Variants in HIVEP3 observed in about 807,000 individuals in gnomAD.
HIVEP3 encodes the protein HIVEP zinc finger 3.
HIVEP3 carries 49 observed loss-of-function variants against 152.8 expected under a neutral mutation model. The observed-to-expected ratio is 0.32, with a 90% CI of 0.26 to 0.41. The LOEUF is 0.41. Ranked by LOEUF, HIVEP3 falls within the 10% of genes least tolerant of loss-of-function variation. The pLI is 1.00. For missense variants in HIVEP3, 2,790 were observed against 3,103.3 expected (o/e 0.90, Z 2.40); for synonymous variants, 1,269 against 1,289.0 (o/e 0.98, Z 0.33).
At chr1:41,548,715 T>C (rs964937085) in intron 5 of HIVEP3, among the ~76,000 whole-genome samples, 2 of 152,082 alleles carry the variant, frequency 1.3e-5, no homozygotes, top group East Asian at 3.9e-4. Flanking sequence ...TTTGTATTTT[T>C]AGTAAAGACG....
intron 1 of HIVEP3, among the ~76,000 whole-genome samples, chr1:42,002,390 G>A (rs139496167): frequency 1.3e-5 from 2 of 152,288 alleles, no homozygotes; most frequent in African/African-American, 2.4e-5. Context: ...TCGCGAAAGA[G>A]TGCAAACAAC....
rs575941216 is a variant in HIVEP3, at chr1:41,947,900, A to C, written n.120-29376T>G. Among the ~76,000 whole-genome samples, 3 of 152,318 alleles carry C rather than the reference A, an allele frequency of 2.0e-5. No homozygotes were observed. In the South Asian group the frequency reaches 6.2e-4, roughly 32 times the overall value. On this transcript the variant is annotated intron_variant and non_coding_transcript_variant, in intron 1 of 3. Transcript: ENST00000489103. The stretch of plus-strand genomic sequence containing the variant: ...GGACATCTCATGATGTGAATGGCAT[A>C]CTCACTGCTAAAGAAGACTTGTGGC...
intron 1 of HIVEP3, among the ~76,000 whole-genome samples, chr1:41,937,224 T>C (rs902912643): frequency 7.2e-5 from 11 of 152,100 alleles, no homozygotes; most frequent in African/African-American, 2.7e-4. Context: ...ATAATAAATA[T>C]ATATTCTATA....
At chr1:41,713,535 T>C (rs1452975908) in intron 1 of HIVEP3, among the ~76,000 whole-genome samples, 3 of 152,260 alleles carry the variant, frequency 2.0e-5, no homozygotes, top group East Asian at 1.9e-4. Flanking sequence ...TAAATGAGGA[T>C]AATCACCAAA....
chr1:41,555,267 T>C (rs1298415957), intron 5 of HIVEP3, among the ~76,000 whole-genome samples: 1 of 152,238 alleles, frequency 6.6e-6, no homozygotes, highest in Non-Finnish European at 1.5e-5. Flanking sequence ...GCATTAGCAG[T>C]GAGCAAGGCT....
chr1:41,598,988 A>G (rs939524846), intron 3 of HIVEP3, among the ~76,000 whole-genome samples: 2 of 151,592 alleles, frequency 1.3e-5, no homozygotes, highest in African/African-American at 4.9e-5. Flanking sequence ...GCTAATTTTT[A>G]TATCTTTTTT....
At chr1:41,830,370 C>G (rs915494250) in intron 1 of HIVEP3, among the ~76,000 whole-genome samples, 1 of 152,210 alleles carries the variant, frequency 6.6e-6, no homozygotes, top group Non-Finnish European at 1.5e-5. Context: ...TTTTTATGTC[C>G]TTCAGTGGGA....
Position 41,513,120 on chromosome 1 carries a change from G to A in HIVEP3, c.6101C>T (p.Ser2034Phe). The A allele has an allele frequency of 6.2e-7, 1 of 1,613,868 alleles. No homozygotes were observed. The highest frequency in any genetic ancestry group is 8.5e-7 in the Non-Finnish European group (1 of 1,180,000). Residue 2034 changes from serine (S) to phenylalanine (F), a missense_variant, in exon 8 of 9, where the codon TCT (serine) becomes TTT (phenylalanine). By Grantham distance (155) the Ser-to-Phe change is radical. Around this residue, in one of 9 missense-constraint regions of HIVEP3, gnomAD observed 816 missense variants for 806.5 expected, o/e 1.01. Coordinates refer to ENST00000372583, the MANE Select transcript of HIVEP3 (RefSeq NM_024503.5). ...LPCGSPRLQL[S>F]PLTLCPLGRE... The stretch of plus-strand genomic sequence containing the variant: ...TCCCAGGGGGCAGAGGGTGAGAGGA[G>A]ACAGCTGAAGTCTTGGAGACCCACA...
In HIVEP3 at chr1:41,513,764, C is replaced by T. The variant is rs369531380; in HGVS notation, c.5471-14G>A. On this transcript the variant is annotated splice_polypyrimidine_tract_variant and intron_variant, in intron 7 of 8. Coordinates refer to ENST00000372583, the MANE Select transcript of HIVEP3 (RefSeq NM_024503.5). ...CGTCACTGGTTCCTGAGGGCAAACA[C>T]AGAAGACCCAAGGTCACAGTTGGGC... 171 of 1,537,250 alleles carry T rather than the reference C, an allele frequency of 1.1e-4. No homozygotes were observed. The highest frequency in any genetic ancestry group is 2.9e-5 in the Non-Finnish European group (33 of 1,142,410).
At position 41,580,822 on chromosome 1, in the gene HIVEP3, T is replaced by C; in HGVS notation, c.3976A>G (p.Asn1326Asp). The C allele has an allele frequency of 6.3e-7, 1 of 1,583,250 alleles. No individual in the cohort carries two copies. The highest frequency in any genetic ancestry group is 8.6e-7 in the Non-Finnish European group (1 of 1,164,638). ...ATTGCGCTCCCATAGGACGGCATAT[T>C]GGTCTGAACACGGACAGGCACAACC... Reference protein sequence around the residue: ...SLVVPVRVQTNMPSYGSAMYT... With the variant: ...SLVVPVRVQTDMPSYGSAMYT... Residue 1326 changes from asparagine (N) to aspartate (D), a missense_variant, in exon 4 of 9, where the codon AAT becomes GAT. By Grantham distance (23) the Asn-to-Asp change is conservative (BLOSUM62 1). Coordinates refer to ENST00000372583, the MANE Select transcript of HIVEP3 (RefSeq NM_024503.5).
At chr1:41,863,970 T>A (rs1174214113) in intron 1 of HIVEP3, among the ~76,000 whole-genome samples, 1 of 152,208 alleles carries the variant, frequency 6.6e-6, no homozygotes. Context: ...GGATTAGCCA[T>A]CTGCAGAAAA....
intron 1 of HIVEP3, among the ~76,000 whole-genome samples, chr1:42,002,055 T>C (rs1645431300): frequency 1.3e-5 from 2 of 152,242 alleles, no homozygotes; most frequent in South Asian, 2.1e-4. Context: ...CTTTTCTGAT[T>C]GACTGCCAGT....
intron 1 of HIVEP3, among the ~76,000 whole-genome samples, chr1:41,810,616 T>TA (rs977422247): frequency 2.6e-5 from 4 of 152,182 alleles, no homozygotes; most frequent in African/African-American, 9.6e-5. Context: ...CATGCTGAAC[T>TA]AGTGCATGCC....
At chr1:41,709,816 C>A (rs969819241) in intron 1 of HIVEP3, among the ~76,000 whole-genome samples, 1 of 152,152 alleles carries the variant, frequency 6.6e-6, no homozygotes, top group African/African-American at 2.4e-5. Context: ...CATAGGAATG[C>A]CAGATGCAGA....
chr1:41,733,400 A>C (rs968396250), intron 1 of HIVEP3, among the ~76,000 whole-genome samples: 2 of 152,202 alleles, frequency 1.3e-5, no homozygotes, highest in Non-Finnish European at 2.9e-5. Context: ...CCAAGGCCTT[A>C]CCTTGAACCC....
At chr1:41,599,276 G>C (rs1436327820) in intron 3 of HIVEP3, among the ~76,000 whole-genome samples, 1 of 152,136 alleles carries the variant, frequency 6.6e-6, no homozygotes, top group Admixed American at 6.5e-5. Flanking sequence ...ATAAATGATA[G>C]GCCTGAATAC....
At chr1:41,983,103 C>G (rs530271873) in intron 1 of HIVEP3, among the ~76,000 whole-genome samples, 59 of 152,344 alleles carry the variant, frequency 3.9e-4, no homozygotes, top group African/African-American at 1.4e-3. Flanking sequence ...GAATCTAATG[C>G]CCTGCTCATC....
At chr1:41,911,288 T>C (rs1644792228) in intron 1 of HIVEP3, among the ~76,000 whole-genome samples, 1 of 152,134 alleles carries the variant, frequency 6.6e-6, no homozygotes, top group Non-Finnish European at 1.5e-5. Context: ...CAAATGTATA[T>C]AAATTGAAAG....
At chr1:41,989,201 G>A (rs1337531680) in intron 1 of HIVEP3, among the ~76,000 whole-genome samples, 1 of 152,160 alleles carries the variant, frequency 6.6e-6, no homozygotes, top group Non-Finnish European at 1.5e-5. Context: ...ATTGCTAAGA[G>A]AGTAGATGTT....
Sources: gnomAD v4.1 joint callset for allele counts (sites outside exome capture counted in the v4.1 genomes callset) on GRCh38, gnomAD v4.1.1 for gene constraint, gnomAD v4.1.1 regional missense constraint, MANE v1.5 for transcripts, NCBI Gene and HGNC (gene_info 2026-07-23, HGNC 2026-07-21) for gene names.